The following CCND3 variants were observed in gnomAD, a reference collection of about 807,000 sequenced individuals.
The protein encoded by CCND3 is G1/S-specific cyclin-D3.
A neutral mutation model predicts 28.7 loss-of-function variants in CCND3; 9 were observed. The observed-to-expected ratio is 0.31, with a 90% CI of 0.19 to 0.55. The LOEUF (loss-of-function observed/expected upper bound fraction) is 0.55, where lower values mean the gene tolerates loss of function less well. Among genes scored for constraint, CCND3 ranks in the 20% least tolerant of loss-of-function variants. The pLI is 0.93. For missense variants in CCND3, 315 were observed against 385.8 expected (o/e 0.82, Z 1.54); for synonymous variants, 164 against 163.9 (o/e 1.00, Z 0.00).
At chr6:41,947,643 C>T (rs1407289118) in intron 1 of CCND3, among the ~76,000 whole-genome samples, 2 of 152,196 alleles carry the variant, frequency 1.3e-5, no homozygotes, top group Admixed American at 6.5e-5. Flanking sequence ...TCTGTTACTT[C>T]CTCTGTCCAA....
intron 1 of CCND3, among the ~76,000 whole-genome samples, chr6:41,972,889 T>TA (rs200382614): frequency 0.013 from 1,890 of 149,106 alleles, 26 homozygotes; most frequent in African/African-American, 0.04. Context: ...ATTTAAAAAT[T>TA]AAAAATATAT....
At chr6:41,995,458 A>G (rs768648381) in intron 1 of CCND3, among the ~76,000 whole-genome samples, 3 of 151,984 alleles carry the variant, frequency 2.0e-5, no homozygotes, top group African/African-American at 7.2e-5. Context: ...GAGTTTCACT[A>G]TATTCGCCAG....
intron 1 of CCND3, among the ~76,000 whole-genome samples, chr6:41,989,409 G>C (rs1323584235): frequency 6.8e-5 from 9 of 131,948 alleles, no homozygotes; most frequent in Non-Finnish European, 1.2e-4. Flanking sequence ...GAGCAAGATT[G>C]TGCCATTGTA....
At chr6:42,018,215 CAG>C (rs1181944945) in intron 1 of CCND3, among the ~76,000 whole-genome samples, 1 of 151,652 alleles carries the variant, frequency 6.6e-6, no homozygotes. Flanking sequence ...TTGTTTGAGA[CAG>C]AGTCTTGCTC....
chr6:41,990,659 G>A (rs1582137999), intron 1 of CCND3, among the ~76,000 whole-genome samples: 1 of 87,532 alleles, frequency 1.1e-5, no homozygotes, highest in South Asian at 4.4e-4. Flanking sequence ...ATAACCAACT[G>A]ATTTTTTTTT....
intron 1 of CCND3, among the ~76,000 whole-genome samples, chr6:41,951,455 G>A (rs1270842916): frequency 1.3e-5 from 2 of 149,570 alleles, no homozygotes; most frequent in Non-Finnish European, 3.0e-5. Flanking sequence ...TCAGCTACTC[G>A]GGAGGCTGAG....
intron 1 of CCND3, among the ~76,000 whole-genome samples, chr6:42,041,311 A>C (rs1267581480): frequency 6.6e-6 from 1 of 152,242 alleles, no homozygotes; most frequent in Non-Finnish European, 1.5e-5. Flanking sequence ...AGATCAAGGG[A>C]TATGAGAGAA....
At chr6:41,949,861 G>A (rs1296707030) in intron 1 of CCND3, among the ~76,000 whole-genome samples, 8 of 151,714 alleles carry the variant, frequency 5.3e-5, no homozygotes, top group Admixed American at 2.6e-4. Context: ...TTGGGAGGCC[G>A]AGGCGGGCGG....
Position 41,974,275 on chromosome 6 carries a change from G to A in CCND3, c.-45-33690C>T, listed in dbSNP as rs956967615. ...ACCCATACCCCACTTCCAACTCCACGAGTGATTTCTAAATATAAACACACA... is the reference window on the plus strand; with the variant it reads ...ACCCATACCCCACTTCCAACTCCACAAGTGATTTCTAAATATAAACACACA... On this transcript the variant is annotated intron_variant, in intron 1 of 4. Coordinates refer to the CCND3 transcript ENST00000372988. 2.0e-5 allele frequency among the ~76,000 whole-genome samples: 3 copies of A among 152,126 alleles called. No homozygotes were observed. In the South Asian group the frequency reaches 6.2e-4, roughly 31 times the overall value.
chr6:42,042,057 C>T (rs1030190721), intron 1 of CCND3, among the ~76,000 whole-genome samples: 1 of 152,196 alleles, frequency 6.6e-6, no homozygotes, highest in African/African-American at 2.4e-5. Context: ...TCTGGGACAG[C>T]CCCAGCTTCA....
chr6:42,003,175 A>AAG (rs371290126), intron 1 of CCND3, among the ~76,000 whole-genome samples: 49,702 of 146,044 alleles, frequency 0.34, 9,884 homozygotes, highest in Middle Eastern at 0.49. Context: ...AAAAAAAAAA[A>AAG]AGAGAAATAT....
At chr6:41,953,528 C>A (rs1479521082) in intron 1 of CCND3, among the ~76,000 whole-genome samples, 1 of 152,054 alleles carries the variant, frequency 6.6e-6, no homozygotes, top group Non-Finnish European at 1.5e-5. Flanking sequence ...CCCAAGGAAT[C>A]TCATGGAGAA....
chr6:42,016,233 C>T (rs10948004), intron 1 of CCND3, among the ~76,000 whole-genome samples: 73,776 of 152,044 alleles, frequency 0.49, 19,190 homozygotes, highest in Non-Finnish European at 0.59. Flanking sequence ...CTGCGCCCAG[C>T]CACAGTATGT....
intron 1 of CCND3, among the ~76,000 whole-genome samples, chr6:42,039,641 G>A (rs1764313526): frequency 6.6e-6 from 1 of 152,188 alleles, no homozygotes; most frequent in Non-Finnish European, 1.5e-5. Context: ...GGCAGCTGGA[G>A]GAAAAGCTTG....
At chr6:42,010,569 G>C (rs181701074) in intron 1 of CCND3, among the ~76,000 whole-genome samples, 1 of 152,146 alleles carries the variant, frequency 6.6e-6, no homozygotes, top group African/African-American at 2.4e-5. Flanking sequence ...CCCATCTAGC[G>C]GGGCCCCTTC....
At chr6:42,018,130 T>C (rs550013910) in intron 1 of CCND3, among the ~76,000 whole-genome samples, 22 of 151,802 alleles carry the variant, frequency 1.4e-4, no homozygotes, top group Middle Eastern at 3.4e-3. Flanking sequence ...GCCTGGGTGA[T>C]AGAATGAGAC....
intron 1 of CCND3, among the ~76,000 whole-genome samples, chr6:41,996,942 C>A (rs773741397): frequency 1.6e-4 from 24 of 152,300 alleles, no homozygotes; most frequent in South Asian, 8.3e-4. Context: ...GGATTACAGG[C>A]GTGAGCCACA....
intron 1 of CCND3, among the ~76,000 whole-genome samples, chr6:41,968,005 A>T (rs1026710904): frequency 1.3e-5 from 2 of 152,222 alleles, no homozygotes; most frequent in Non-Finnish European, 2.9e-5. Flanking sequence ...AAGGGAGTTT[A>T]ATTATTAGTC....
At chr6:42,029,022 G>C (rs770529372) in intron 1 of CCND3, among the ~76,000 whole-genome samples, 1 of 148,704 alleles carries the variant, frequency 6.7e-6, no homozygotes, top group African/African-American at 2.5e-5. Context: ...TGCCAAGACT[G>C]TAGGATTGCA....
Sources: allele counts gnomAD v4.1 joint callset (sites outside exome capture counted in the v4.1 genomes callset), GRCh38; gene constraint gnomAD v4.1.1; transcripts MANE v1.5; gene names NCBI Gene and HGNC (gene_info 2026-07-23, HGNC 2026-07-21).